The following EPHA6 variants were observed in gnomAD, a reference collection of about 807,000 sequenced individuals.
EPHA6 encodes the protein EPH receptor A6.
A neutral mutation model predicts 112.0 loss-of-function variants in EPHA6; 50 were observed. The ratio of observed to expected loss-of-function variants is 0.45; its 90% CI spans 0.36 to 0.56. EPHA6 has a LOEUF of 0.56. EPHA6 is among the 20% of genes least tolerant of loss of function. EPHA6 has a pLI of 0.00. For synonymous variants in EPHA6, 529 were observed against 490.7 expected (o/e 1.08, Z -1.03); for missense variants, 1,280 against 1,417.4 (o/e 0.90, Z 1.56).
intron 14 of EPHA6, among the ~76,000 whole-genome samples, chr3:97,700,361 A>G (rs1048402289): frequency 8.5e-5 from 13 of 152,140 alleles, no homozygotes; most frequent in Admixed American, 7.2e-4. Flanking sequence ...ACCATGTGGG[A>G]TGCCAGATAC....
intron 14 of EPHA6, 62 bp from the exon 15 acceptor site, chr3:97,720,199 A>T (rs2034464070): frequency 7.3e-7 from 1 of 1,362,644 alleles, no homozygotes; most frequent in South Asian, 1.9e-5. Context: ...ATTTAATTGG[A>T]ATACCATTTT....
At chr3:97,502,818 G>A (rs2092155310) in intron 10 of EPHA6, among the ~76,000 whole-genome samples, 1 of 74,558 alleles carries the variant, frequency 1.3e-5, no homozygotes, top group South Asian at 4.8e-4. Context: ...TGGTAAAAGA[G>A]CAAGACTCTG....
intron 16 of EPHA6, among the ~76,000 whole-genome samples, chr3:97,740,837 C>T (rs968606284): frequency 2.0e-5 from 3 of 152,068 alleles, no homozygotes; most frequent in Non-Finnish European, 4.4e-5. Flanking sequence ...AATACATAAT[C>T]AGCATTTGCT....
intron 1 of EPHA6, among the ~76,000 whole-genome samples, chr3:96,859,150 C>T (rs765347678): frequency 6.6e-6 from 1 of 151,830 alleles, no homozygotes; most frequent in Admixed American, 6.6e-5. Flanking sequence ...TCAACAGATA[C>T]CCACAAACAC....
At chr3:96,879,337 TATC>T (rs2037166301) in intron 2 of EPHA6, among the ~76,000 whole-genome samples, 1 of 152,092 alleles carries the variant, frequency 6.6e-6, no homozygotes, top group African/African-American at 2.4e-5. Flanking sequence ...ATGTATAACA[TATC>T]ATTTTCAACA....
At chr3:97,199,278 G>A (rs2077518864) in intron 3 of EPHA6, among the ~76,000 whole-genome samples, 1 of 152,092 alleles carries the variant, frequency 6.6e-6, no homozygotes, top group Non-Finnish European at 1.5e-5. Context: ...AATGAGGTTA[G>A]GCAATTTCCT....
At chr3:97,645,666 A>T (rs1017204478) in intron 14 of EPHA6, among the ~76,000 whole-genome samples, 2 of 144,058 alleles carry the variant, frequency 1.4e-5, no homozygotes, top group Admixed American at 6.9e-5. Flanking sequence ...AAAGTATAAT[A>T]AAAAAAAAAG....
chr3:97,583,822 T>C (rs925138012), intron 11 of EPHA6, among the ~76,000 whole-genome samples: 4 of 152,098 alleles, frequency 2.6e-5, no homozygotes, highest in Admixed American at 6.6e-5. Flanking sequence ...AAAGAACATA[T>C]AGTTTAAAAG....
intron 6 of EPHA6, among the ~76,000 whole-genome samples, chr3:97,424,575 G>A (rs1365383164): frequency 7.2e-5 from 11 of 151,972 alleles, no homozygotes; most frequent in Non-Finnish European, 1.5e-4. Context: ...AGGCCAAGGC[G>A]GGCAGATTAC....
chr3:97,181,089 A>C (rs1052628202), intron 3 of EPHA6, among the ~76,000 whole-genome samples: 2 of 152,026 alleles, frequency 1.3e-5, no homozygotes, highest in Non-Finnish European at 2.9e-5. Flanking sequence ...GTTGGTTTAA[A>C]TGATCTTTTT....
In EPHA6 at chr3:96,859,384, T is replaced by TA. The variant is rs533496363; in HGVS notation, c.386-7441_386-7440insA. ...AGTGTTTACCTCTGATAATGGTTAA[T>TA]TTTTTTTTTTTTTTTGAGACAGGGT... On this transcript the variant is annotated intron_variant, in intron 1 of 17. Transcript: ENST00000389672. Among the ~76,000 whole-genome samples, 11 of 86,666 alleles carry TA rather than the reference T, an allele frequency of 1.3e-4. No homozygotes were observed. The African/African-American group carries it at 1.8e-3, about 14-fold the overall frequency. The allele number at this position is 86,666 out of a possible 152,430, so 56.9% of individuals were successfully genotyped here.
chr3:97,569,129 A>G (rs2093304718), intron 11 of EPHA6, among the ~76,000 whole-genome samples: 1 of 152,154 alleles, frequency 6.6e-6, no homozygotes, highest in Non-Finnish European at 1.5e-5. Context: ...GGAGCCTACT[A>G]AAGTTCTGGT....
intron 3 of EPHA6, among the ~76,000 whole-genome samples, chr3:97,010,714 G>A (rs1438108450): frequency 6.6e-6 from 1 of 152,024 alleles, no homozygotes; most frequent in African/African-American, 2.4e-5. Context: ...AGGCTGGAGT[G>A]CGGTAGCGAT....
At chr3:96,846,529 T>C (rs546889850) in intron 1 of EPHA6, among the ~76,000 whole-genome samples, 7 of 152,180 alleles carry the variant, frequency 4.6e-5, no homozygotes, top group African/African-American at 1.7e-4. Flanking sequence ...CTAATTGTTA[T>C]AATAAGCCAA....
intron 5 of EPHA6, among the ~76,000 whole-genome samples, chr3:97,301,249 A>G (rs1380281428): frequency 6.6e-6 from 1 of 152,116 alleles, no homozygotes; most frequent in Non-Finnish European, 1.5e-5. Context: ...TACTTATTCC[A>G]CAATCCAGAA....
intron 3 of EPHA6, among the ~76,000 whole-genome samples, chr3:97,164,585 T>C (rs758270130): frequency 6.6e-6 from 1 of 152,144 alleles, no homozygotes; most frequent in Non-Finnish European, 1.5e-5. Context: ...TTGGAAATAC[T>C]GAGTACTTCA....
chr3:96,868,728 T>C (rs1198894277), intron 2 of EPHA6, among the ~76,000 whole-genome samples: 2 of 152,014 alleles, frequency 1.3e-5, no homozygotes, highest in East Asian at 3.9e-4. Context: ...TTATAAATAA[T>C]GTATTTCTCA....
intron 13 of EPHA6, among the ~76,000 whole-genome samples, chr3:97,614,595 G>C (rs1189480811): frequency 6.8e-6 from 1 of 147,130 alleles, no homozygotes; most frequent in Non-Finnish European, 1.5e-5. Context: ...CTCATGATCC[G>C]CCTGCCTTGG....
chr3:97,634,939 C>CT (rs35992095), intron 13 of EPHA6, among the ~76,000 whole-genome samples: 15,778 of 143,688 alleles, frequency 0.11, 1,132 homozygotes, highest in Non-Finnish European at 0.16. Context: ...GAAAACCTAG[C>CT]TTTTTTTTTT....
Sources: gnomAD v4.1 joint callset for allele counts (sites outside exome capture counted in the v4.1 genomes callset) on GRCh38, gnomAD v4.1.1 for gene constraint, MANE v1.5 for transcripts, NCBI Gene and HGNC (gene_info 2026-07-23, HGNC 2026-07-21) for gene names.